OR9Q1: variants seen among roughly 807,000 people sequenced by gnomAD.
OR9Q1 encodes olfactory receptor family 9 subfamily Q member 1.
For missense variants in OR9Q1, 374 were observed against 378.8 expected, an observed-to-expected ratio of 0.99 and a Z score of 0.11; for synonymous variants, 153 against 148.6, an observed-to-expected ratio of 1.03 and a Z score of -0.22.
intron 2 of OR9Q1, among the ~76,000 whole-genome samples, chr11:58,140,768 G>A (rs1403862670): frequency 6.6e-6 from 1 of 152,096 alleles, no homozygotes; most frequent in Non-Finnish European, 1.5e-5. Context: ...TTGGCAATGC[G>A]GGCTGTTTTT....
intron 2 of OR9Q1, among the ~76,000 whole-genome samples, chr11:58,063,711 G>A (rs751543189): frequency 6.6e-6 from 1 of 152,110 alleles, no homozygotes; most frequent in Non-Finnish European, 1.5e-5. Context: ...AATTTTTGGG[G>A]GGGTGAGTTT....
At chr11:58,082,638 C>G (rs987650562) in intron 2 of OR9Q1, among the ~76,000 whole-genome samples, 11 of 138,288 alleles carry the variant, frequency 8.0e-5, no homozygotes, top group South Asian at 2.9e-4. Context: ...GGAGATATAC[C>G]TAATGCTAAA....
chr11:58,105,717 G>A (rs1307259387), intron 2 of OR9Q1, among the ~76,000 whole-genome samples: 2 of 152,066 alleles, frequency 1.3e-5, no homozygotes, highest in African/African-American at 4.8e-5. Context: ...CATAAAAGTG[G>A]AATTATACAG....
intron 2 of OR9Q1, among the ~76,000 whole-genome samples, chr11:58,059,710 A>C (rs1429319832): frequency 6.7e-6 from 1 of 149,888 alleles, no homozygotes; most frequent in Non-Finnish European, 1.5e-5. Context: ...AAAAAAAAAA[A>C]AAAAAAGGAA....
At chr11:58,064,041 G>C (rs748202182) in intron 2 of OR9Q1, among the ~76,000 whole-genome samples, 4 of 152,150 alleles carry the variant, frequency 2.6e-5, no homozygotes, top group Non-Finnish European at 5.9e-5. Flanking sequence ...GGCCTCCAGG[G>C]ATTATTAATC....
intron 2 of OR9Q1, among the ~76,000 whole-genome samples, chr11:58,093,501 A>G (rs564760518): frequency 2.6e-5 from 4 of 152,250 alleles, no homozygotes; most frequent in Non-Finnish European, 5.9e-5. Context: ...AATGGCCACT[A>G]TTAAAAAGGC....
chr11:58,118,408 G>T, intron 2 of OR9Q1: 1 of 788,506 alleles, frequency 1.3e-6, no homozygotes, highest in Non-Finnish European at 2.0e-6. Context: ...TTCTCTGTTT[G>T]TGGGTATAGG....
chr11:58,034,800 T>TCCTTCTTCCTTCCCTCCCTCCTTTCTC, intron 1 of OR9Q1, among the ~76,000 whole-genome samples: 2 of 107,476 alleles, frequency 1.9e-5, no homozygotes, highest in Non-Finnish European at 4.0e-5. Flanking sequence ...CTCCCTTCCT[T>TCCTTCTTCCTTCCCTCCCTCCTTTCTC]CCTTCCTTCC....
At chr11:58,138,295 C>G (rs764890171) in intron 2 of OR9Q1, among the ~76,000 whole-genome samples, 1 of 152,162 alleles carries the variant, frequency 6.6e-6, no homozygotes, top group Non-Finnish European at 1.5e-5. Context: ...CGTCGTACTT[C>G]CTGGGCCAAA....
intron 2 of OR9Q1, among the ~76,000 whole-genome samples, chr11:58,150,456 G>T (rs1309399243): frequency 2.6e-5 from 4 of 152,166 alleles, no homozygotes; most frequent in African/African-American, 9.7e-5. Flanking sequence ...AAATTGGGTT[G>T]TTTGTTTATT....
chr11:58,165,031 T>C (rs1459654255), intron 2 of OR9Q1, among the ~76,000 whole-genome samples: 1 of 152,244 alleles, frequency 6.6e-6, no homozygotes, highest in Non-Finnish European at 1.5e-5. Context: ...AACTTTCTTT[T>C]CTGCTGTATT....
intron 2 of OR9Q1, among the ~76,000 whole-genome samples, chr11:58,105,043 T>C (rs1275421358): frequency 6.6e-6 from 1 of 152,050 alleles, no homozygotes; most frequent in Admixed American, 6.6e-5. Context: ...ATATTGTTCT[T>C]TTTTGATTTG....
chr11:58,120,665 A>G (rs1055663085), intron 2 of OR9Q1, among the ~76,000 whole-genome samples: 3 of 151,626 alleles, frequency 2.0e-5, no homozygotes, highest in Non-Finnish European at 4.4e-5. Flanking sequence ...AATGTTGGCT[A>G]CTTTTGTTGT....
At chr11:58,079,535 T>A (rs902947863) in intron 2 of OR9Q1, among the ~76,000 whole-genome samples, 4 of 152,180 alleles carry the variant, frequency 2.6e-5, no homozygotes, top group Non-Finnish European at 5.9e-5. Flanking sequence ...ACTGAATTTA[T>A]CTCTCCATTT....
chr11:58,072,025 A>G (rs375739049), intron 2 of OR9Q1, among the ~76,000 whole-genome samples: 3 of 152,222 alleles, frequency 2.0e-5, no homozygotes, highest in Non-Finnish European at 4.4e-5. Context: ...GAGTTTACCT[A>G]TGTAACAAAA....
At chr11:58,030,932 G>C (rs765067927) in intron 1 of OR9Q1, 12 of 1,473,284 alleles carry the variant, frequency 8.1e-6, no homozygotes, top group African/African-American at 1.4e-5. Context: ...CTATGAGTTT[G>C]CTGAGCTCTC....
In OR9Q1 at chr11:58,118,845, G is replaced by A. The variant is rs559480950; in HGVS notation, c.-14-60586G>A. The stretch of plus-strand genomic sequence containing the variant: ...CCAAAATCACAAAATTGCCAAAGAA[G>A]ATGATGACAATCTCGATGTTTGCTG... On this transcript the variant is annotated intron_variant, in intron 2 of 2. Coordinates refer to ENST00000335397, the MANE Select transcript of OR9Q1 (RefSeq NM_001005212.4). The A allele has an allele frequency of 1.2e-5, 20 of 1,614,050 alleles. No individual in the cohort carries two copies. The African/African-American group carries it at 1.7e-4, about 14-fold the overall frequency.
chr11:58,149,949 C>T (rs910990285), intron 2 of OR9Q1, among the ~76,000 whole-genome samples: 7 of 151,944 alleles, frequency 4.6e-5, no homozygotes, highest in African/African-American at 1.7e-4. Context: ...TGTTCAAGTC[C>T]CTGTTTTCTA....
chr11:58,166,949 G>A (rs1854510542), intron 2 of OR9Q1, among the ~76,000 whole-genome samples: 1 of 152,036 alleles, frequency 6.6e-6, no homozygotes, highest in Non-Finnish European at 1.5e-5. Flanking sequence ...GGGCTTTTAG[G>A]GTATCCATCA....
Sources: gnomAD v4.1 joint callset for allele counts (sites outside exome capture counted in the v4.1 genomes callset) on GRCh38, gnomAD v4.1.1 for gene constraint, MANE v1.5 for transcripts, NCBI Gene and HGNC (gene_info 2026-07-23, HGNC 2026-07-21) for gene names.